The following MTCL1 variants were observed in gnomAD, a reference collection of about 807,000 sequenced individuals.
MTCL1 encodes the protein microtubule crosslinking factor 1.
Under a neutral mutation model 141.4 loss-of-function variants are expected in MTCL1, and 79 were observed. That is an observed-to-expected ratio of 0.56 (90% CI 0.47 to 0.67). MTCL1 has a LOEUF of 0.67. Ranked by LOEUF, MTCL1 falls within the 30% of genes least tolerant of loss-of-function variation. The probability of loss-of-function intolerance (pLI) is 0.00; values close to 1 mark genes in which losing one functional copy is unlikely to be tolerated. For synonymous variants in MTCL1, 914 were observed against 875.8 expected, an observed-to-expected ratio of 1.04 and a Z score of -0.77; for missense variants, 2,177 against 2,113.9, an observed-to-expected ratio of 1.03 and a Z score of -0.59.
chr18:8,782,162 A>G (rs1045570033), intron 5 of MTCL1: 1 of 152,210 alleles, frequency 6.6e-6, no homozygotes, highest in Non-Finnish European at 1.5e-5. Flanking sequence ...CATTGTGAGC[A>G]CACGTGACGA....
upstream of MTCL1, among the ~76,000 whole-genome samples, chr18:8,716,252 C>G (rs1192272973): frequency 2.0e-5 from 3 of 152,202 alleles, no homozygotes; most frequent in African/African-American, 4.8e-5. Context: ...AAGGTTTCTT[C>G]TTTAACATCT....
At chr18:8,705,597 C>CCGCCGCCGCCGCCGT (rs1179115347), upstream of MTCL1, 1 of 1,204,122 alleles carries the variant, frequency 8.3e-7, no homozygotes, top group Non-Finnish European at 1.0e-6. This position sits in a 1 kb window ranked among gnomAD's most constrained non-coding sequence, Gnocchi z 5.2. Flanking sequence ...GCCGCCGCCG[C>CCGCCGCCGCCGCCGT]CGCCGCCGCC....
At chr18:8,764,935 T>C (rs74452591) in intron 4 of MTCL1, among the ~76,000 whole-genome samples, 2,492 of 152,298 alleles carry the variant, frequency 0.016, 76 homozygotes, top group East Asian at 0.15. Flanking sequence ...CAGGTGCAAT[T>C]ACTCCCAATG....
chr18:8,713,637 T>A (rs1272103876), upstream of MTCL1, among the ~76,000 whole-genome samples: 1 of 152,274 alleles, frequency 6.6e-6, no homozygotes, highest in East Asian at 1.9e-4. Flanking sequence ...TGCTTGTCTT[T>A]AACTTCTTTT....
At chr18:8,758,665 T>A (rs1243831260) in intron 4 of MTCL1, among the ~76,000 whole-genome samples, 2 of 152,212 alleles carry the variant, frequency 1.3e-5, no homozygotes, top group African/African-American at 2.4e-5. Context: ...GCTGAAGTTT[T>A]CCTGAGAAAG....
At chr18:8,831,692 G>A (rs1332210512) in exon 17 of MTCL1, 36 of 1,550,460 alleles carry the variant, frequency 2.3e-5, no homozygotes, top group East Asian at 1.7e-4. Context: ...CCTCCGTCCC[G>A]TTGGGCCCCA....
chr18:8,825,245 C>T (rs772550766), exon 15 of MTCL1: 27 of 1,593,418 alleles, frequency 1.7e-5, no homozygotes, highest in Non-Finnish European at 2.2e-5. Context: ...CCCCCAGGCA[C>T]TCCCGGGACT....
At chr18:8,776,983 C>A (rs1352994800) in intron 4 of MTCL1, among the ~76,000 whole-genome samples, 1 of 151,918 alleles carries the variant, frequency 6.6e-6, no homozygotes, top group East Asian at 1.9e-4. Context: ...GCCTGCAATC[C>A]CAGCACTTTG....
exon 15 of MTCL1, chr18:8,824,948 C>T: frequency 3.1e-6 from 5 of 1,613,652 alleles, no homozygotes; most frequent in Non-Finnish European, 4.2e-6. Context: ...ACGAGGACAG[C>T]ACAGAGCCTT....
At chr18:8,796,752 TACTGAG>T (rs1186707704) in intron 9 of MTCL1, among the ~76,000 whole-genome samples, 3 of 152,216 alleles carry the variant, frequency 2.0e-5, no homozygotes, top group Non-Finnish European at 4.4e-5. Context: ...GGCATAAACT[TACTGAG>T]AATAGTGCAG....
At chr18:8,796,700 CAG>C (rs1328584898) in intron 9 of MTCL1, among the ~76,000 whole-genome samples, 1 of 152,122 alleles carries the variant, frequency 6.6e-6, no homozygotes, top group Non-Finnish European at 1.5e-5. Context: ...GCAGATATAA[CAG>C]AAGTAACGTT....
chr18:8,802,336 A>G (rs2076149210), intron 10 of MTCL1: 1 of 152,252 alleles, frequency 6.6e-6, no homozygotes, highest in Admixed American at 6.5e-5. Context: ...GGGTTAACCC[A>G]TAGCAGCAGG....
chr18:8,819,851 TC>T (rs1481345657), intron 13 of MTCL1, among the ~76,000 whole-genome samples: 4 of 152,170 alleles, frequency 2.6e-5, no homozygotes, highest in Admixed American at 2.6e-4. Flanking sequence ...GCTCAAGTGA[TC>T]TGTCTGCCTT....
chr18:8,726,278 CTTTT>C (rs896870505), intron 4 of MTCL1, among the ~76,000 whole-genome samples: 1 of 78,048 alleles, frequency 1.3e-5, no homozygotes, highest in Non-Finnish European at 2.3e-5. Flanking sequence ...GCTTTTTTTT[CTTTT>C]TTTCTTTTTT....
At chr18:8,730,110 C>T (rs1387360371) in intron 4 of MTCL1, among the ~76,000 whole-genome samples, 3 of 152,138 alleles carry the variant, frequency 2.0e-5, no homozygotes, top group African/African-American at 4.8e-5. Context: ...CAGTTGGGCA[C>T]ATGTGTTTGG....
chr18:8,742,993 C>G (rs1005296547), intron 4 of MTCL1, among the ~76,000 whole-genome samples: 11 of 152,198 alleles, frequency 7.2e-5, no homozygotes, highest in African/African-American at 2.7e-4. Flanking sequence ...CTACTTATCA[C>G]AATTAAAACT....
At chr18:8,825,148 C>T (rs1218314933) in exon 15 of MTCL1, 51 of 1,584,128 alleles carry the variant, frequency 3.2e-5, no homozygotes, top group Non-Finnish European at 4.3e-5. Flanking sequence ...GGTGAGGGTC[C>T]CTTTCCCACA....
At chr18:8,796,698 A>T (rs931357287) in intron 9 of MTCL1, among the ~76,000 whole-genome samples, 1 of 152,226 alleles carries the variant, frequency 6.6e-6, no homozygotes, top group African/African-American at 2.4e-5. Flanking sequence ...AAGCAGATAT[A>T]ACAGAAGTAA....
rs1258758748 is a variant in MTCL1, at chr18:8,786,682, G to C, written c.1887+591G>C. On this transcript the variant is annotated intron_variant, in intron 7 of 16. Coordinates refer to ENST00000359865, the Ensembl canonical transcript of MTCL1. Reference sequence around the variant, plus strand: ...TGGAAGTGTTGTCAGCAGCCTGGAAGAGTGAAAGCTCTTAGATGCGGGTCA... The same window carrying C: ...TGGAAGTGTTGTCAGCAGCCTGGAACAGTGAAAGCTCTTAGATGCGGGTCA... 1.9e-5 allele frequency: 5 copies of C among 259,350 alleles called. No individual in the cohort carries two copies. In the East Asian group the frequency reaches 2.5e-4, roughly 13 times the overall value. The allele number at this position is 259,350 out of a possible 1,614,324, so 16.1% of individuals were successfully genotyped here. A position where few individuals can be genotyped will look rare whatever the true frequency, so the allele number is the denominator to read the frequency against.
Sources: allele counts gnomAD v4.1 joint callset (sites outside exome capture counted in the v4.1 genomes callset), GRCh38; gene constraint gnomAD v4.1.1; non-coding constraint Gnocchi (gnomAD v3.1); transcripts MANE v1.5; gene names NCBI Gene and HGNC (gene_info 2026-07-23, HGNC 2026-07-21).